SMAP2: variants seen among roughly 807,000 people sequenced by gnomAD.
SMAP2 encodes the protein stromal membrane-associated protein 2.
SMAP2 carries 25 observed loss-of-function variants against 56.4 expected under a neutral mutation model. That is an observed-to-expected ratio of 0.44 (90% CI 0.32 to 0.62). SMAP2 has a LOEUF of 0.62. SMAP2 is among the 20% of genes least tolerant of loss of function. The pLI is 0.04. For missense variants in SMAP2, 388 were observed against 545.6 expected (o/e 0.71, Z 2.88); for synonymous variants, 157 against 181.7 (o/e 0.86, Z 1.09).
chr1:40,393,475 T>C, intron 1 of SMAP2: 1 of 1,532,416 alleles, frequency 6.5e-7, no homozygotes, highest in Non-Finnish European at 8.7e-7. Flanking sequence ...ATAGAGGAAA[T>C]AGGCCCTGTA....
intron 5 of SMAP2, 73 bp downstream of exon 5, chr1:40,413,175 G>A: frequency 8.7e-7 from 1 of 1,149,922 alleles, no homozygotes; most frequent in South Asian, 1.2e-5. Context: ...AAAGTAGGAG[G>A]TCTCGTGGTG....
chr1:40,396,207 C>T (rs947454824), intron 1 of SMAP2, among the ~76,000 whole-genome samples: 1 of 152,082 alleles, frequency 6.6e-6, no homozygotes, highest in Non-Finnish European at 1.5e-5. Flanking sequence ...ACCAGGATAT[C>T]AAAATGGTAG....
upstream of SMAP2, among the ~76,000 whole-genome samples, chr1:40,372,257 C>T (rs547261939): frequency 5.9e-5 from 9 of 151,982 alleles, no homozygotes; most frequent in Non-Finnish European, 8.8e-5. Flanking sequence ...CACCACTCAC[C>T]GCAATTAACT....
Position 40,415,345 on chromosome 1 carries a change from C to T in SMAP2, c.645C>T (p.Ala215=). 6.2e-7 allele frequency: 1 copy of T among 1,613,784 alleles called. No homozygotes were observed. Among genetic ancestry groups the T allele is most frequent in the South Asian group, 1.1e-5 (1 of 91,070 alleles). The change falls in exon 7 of 10, where the codon GCC becomes GCT. Residue 215 remains alanine (A), a synonymous_variant. Coordinates refer to ENST00000372718, the MANE Select transcript of SMAP2 (RefSeq NM_022733.3). The part of the protein sequence containing the change: ...NTLEKDLDLL[A]SVPSPSSSGS... ...TAGAGAAGGATTTAGATCTGTTGGC[C>T]TCTGTTCCATCCCCTTCTTCTTCCG...
chr1:40,417,100 A>G lies in SMAP2; in HGVS notation c.1164+4A>G, dbSNP rs1198944772. ...GCTGCAATGGAACCTTACTCAGGTA[A>G]GCTACCCCATTTTACTTGCAGCAAG... On this transcript the variant is annotated splice_donor_region_variant and intron_variant, in intron 9 of 9. Coordinates refer to ENST00000372718, the MANE Select transcript of SMAP2 (RefSeq NM_022733.3). The G allele has an allele frequency of 1.3e-6, 2 of 1,590,616 alleles. No individual in the cohort carries two copies. The highest frequency in any genetic ancestry group is 1.7e-6 in the Non-Finnish European group (2 of 1,161,746).
chr1:40,411,876 A>G (rs1305973374), intron 4 of SMAP2, among the ~76,000 whole-genome samples: 2 of 152,222 alleles, frequency 1.3e-5, no homozygotes, highest in Non-Finnish European at 2.9e-5. Flanking sequence ...TACTCTCACT[A>G]TCTTTGCTAA....
At chr1:40,392,994 C>T (rs187254088) in intron 1 of SMAP2, among the ~76,000 whole-genome samples, 32 of 151,270 alleles carry the variant, frequency 2.1e-4, no homozygotes, top group Non-Finnish European at 2.9e-4. Context: ...CCCAGGTATT[C>T]GGGAAGCTGA....
At chr1:40,365,089 G>A in intron 2 of SMAP2, 1 of 221,040 alleles carries the variant, frequency 4.5e-6, no homozygotes, top group Non-Finnish European at 9.5e-6. Flanking sequence ...TCACCTGGCT[G>A]TCAACTTCCT....
rs149846837 is a variant in SMAP2, at chr1:40,355,353, G to A, written c.-82-6947G>A. 3.7e-3 allele frequency among the ~76,000 whole-genome samples: 561 copies of A among 151,892 alleles called. 8 individuals carry two copies. The highest frequency in any genetic ancestry group is 0.013 in the African/African-American group (534 of 41,422). On this transcript the variant is annotated intron_variant, in intron 1 of 6. Transcript: ENST00000435168. Reference sequence around the variant, plus strand: ...TTGGTCTCTTTTTTGCTTATTCCTCGTTATCACTATACTATTATACTTTCA... The same window carrying A: ...TTGGTCTCTTTTTTGCTTATTCCTCATTATCACTATACTATTATACTTTCA...
chr1:40,375,277 C>A (rs536613627), intron 1 of SMAP2, among the ~76,000 whole-genome samples: 1 of 151,904 alleles, frequency 6.6e-6, no homozygotes, highest in Non-Finnish European at 1.5e-5. Flanking sequence ...ATTTTGGGGG[C>A]GACAATTTAC....
chr1:40,361,303 C>A (rs989231125), intron 1 of SMAP2, among the ~76,000 whole-genome samples: 4 of 152,008 alleles, frequency 2.6e-5, no homozygotes, highest in African/African-American at 9.7e-5. Context: ...TTCACTTGTT[C>A]ACTCAAGAGC....
rs1644518027 is a variant in SMAP2, at chr1:40,374,086, G to C, written c.-35G>C. Reference sequence around the variant, plus strand: ...GCAGGGGTCTCTGGGGGCGAGGAGGGCGCGTCGCCCTCTGCCCCCGCCGGC... The same window carrying C: ...GCAGGGGTCTCTGGGGGCGAGGAGGCCGCGTCGCCCTCTGCCCCCGCCGGC... On this transcript the variant is annotated 5_prime_UTR_variant, in exon 1 of 10. Coordinates refer to ENST00000372718, the MANE Select transcript of SMAP2 (RefSeq NM_022733.3). This position sits in a 1 kb window ranked among gnomAD's most constrained non-coding sequence, Gnocchi z 5.9. 8 of 1,545,496 alleles carry C rather than the reference G, an allele frequency of 5.2e-6. No homozygotes were observed. The highest frequency in any genetic ancestry group is 6.2e-6 in the Non-Finnish European group (7 of 1,127,044).
rs116544609 is a variant in SMAP2, at chr1:40,403,713, G to A, written c.104-3023G>A. The A allele has an allele frequency of 9.3e-4, 847 of 909,756 alleles. 5 individuals are homozygous for A. The African/African-American group carries it at 0.014, about 15-fold the overall frequency. 56.4% of individuals were successfully genotyped at this position (909,756 alleles called of 1,614,324 possible). A position where few individuals can be genotyped will look rare whatever the true frequency, so the allele number is the denominator to read the frequency against. ...CTGTGAGGTGAATGCTATTGTACAC[G>A]TTTTATAGATGAGGAAACTAAGGCT... On this transcript the variant is annotated intron_variant, in intron 1 of 9. Coordinates refer to ENST00000372718, the MANE Select transcript of SMAP2 (RefSeq NM_022733.3).
At chr1:40,347,044 A>G (rs985965251) in intron 1 of SMAP2, among the ~76,000 whole-genome samples, 1 of 149,618 alleles carries the variant, frequency 6.7e-6, no homozygotes, top group African/African-American at 2.5e-5. Context: ...TTATTTATTT[A>G]TTTATTTATT....
At chr1:40,360,214 G>C (rs1252133602) in intron 1 of SMAP2, among the ~76,000 whole-genome samples, 1 of 150,996 alleles carries the variant, frequency 6.6e-6, no homozygotes, top group Admixed American at 6.6e-5. Flanking sequence ...CACCATGTTA[G>C]CCAGGATGGT....
intron 1 of SMAP2, among the ~76,000 whole-genome samples, chr1:40,379,555 C>CTTTTTTTT (rs35398664): frequency 1.3e-5 from 1 of 78,112 alleles, no homozygotes. Context: ...TGTTGTCTCT[C>CTTTTTTTT]TTTTTTTTTT....
intron 1 of SMAP2, among the ~76,000 whole-genome samples, chr1:40,356,403 TTG>T (rs1644435829): frequency 6.7e-6 from 1 of 149,360 alleles, no homozygotes; most frequent in African/African-American, 2.5e-5. Context: ...TGTGGGTTTT[TTG>T]TTTTTTTTTG....
At chr1:40,359,710 A>AT (rs1644451359) in intron 1 of SMAP2, among the ~76,000 whole-genome samples, 1 of 152,040 alleles carries the variant, frequency 6.6e-6, no homozygotes, top group Non-Finnish European at 1.5e-5. Flanking sequence ...TGAGGTTACC[A>AT]TAAGGACTGC....
chr1:40,351,615 C>T (rs975036197), intron 1 of SMAP2, among the ~76,000 whole-genome samples: 5 of 152,110 alleles, frequency 3.3e-5, no homozygotes, highest in Admixed American at 6.6e-5. Flanking sequence ...GCGATTCTCA[C>T]GCCTCAGCCT....
Sources: gnomAD v4.1 joint callset for allele counts (sites outside exome capture counted in the v4.1 genomes callset) on GRCh38, gnomAD v4.1.1 for gene constraint, Gnocchi (gnomAD v3.1) non-coding constraint, MANE v1.5 for transcripts, NCBI Gene and HGNC (gene_info 2026-07-23, HGNC 2026-07-21) for gene names.